The following IMPG1 variants were observed in gnomAD, a reference collection of about 807,000 sequenced individuals.
IMPG1 encodes interphotoreceptor matrix proteoglycan of 150 kDa.
Under a neutral mutation model 92.0 loss-of-function variants are expected in IMPG1, and 85 were observed. The ratio of observed to expected loss-of-function variants is 0.92; its 90% CI spans 0.78 to 1.11. The LOEUF is 1.11. IMPG1 is among the 50% of genes least tolerant of loss of function. The pLI is 0.00. For missense variants in IMPG1, 1,022 were observed against 956.0 expected, an observed-to-expected ratio of 1.07 and a Z score of -0.91; for synonymous variants, 367 against 334.1, an observed-to-expected ratio of 1.10 and a Z score of -1.08.
At chr6:75,988,647 T>C (rs1782764646) in intron 12 of IMPG1, among the ~76,000 whole-genome samples, 1 of 152,224 alleles carries the variant, frequency 6.6e-6, no homozygotes, top group Non-Finnish European at 1.5e-5. Flanking sequence ...CACAGCACAA[T>C]AGCAGTCTGG....
intron 1 of IMPG1, among the ~76,000 whole-genome samples, chr6:76,070,574 G>A (rs1264156866): frequency 3.9e-5 from 6 of 152,058 alleles, no homozygotes; most frequent in African/African-American, 1.2e-4. Flanking sequence ...CCTAGTGAAC[G>A]TTAACTAATG....
intron 2 of IMPG1, among the ~76,000 whole-genome samples, chr6:76,039,775 G>A (rs1029492786): frequency 6.6e-6 from 1 of 152,186 alleles, no homozygotes; most frequent in Non-Finnish European, 1.5e-5. Flanking sequence ...TTTGGCTGGG[G>A]CACAGAGTTC....
chr6:76,042,190 G>T, intron 1 of IMPG1, 64 bp from the exon 2 acceptor site: 1 of 860,328 alleles, frequency 1.2e-6, no homozygotes, highest in Non-Finnish European at 1.9e-6. Flanking sequence ...TGACATATAT[G>T]GATAAATGAC....
intron 12 of IMPG1, among the ~76,000 whole-genome samples, chr6:75,979,640 G>A (rs1782596296): frequency 6.6e-6 from 1 of 152,182 alleles, no homozygotes; most frequent in Admixed American, 6.5e-5. Context: ...TCCAGAAGCT[G>A]ATATTTTAGT....
chr6:75,928,101 T>C (rs909829074), intron 15 of IMPG1, among the ~76,000 whole-genome samples: 1 of 152,182 alleles, frequency 6.6e-6, no homozygotes, highest in Non-Finnish European at 1.5e-5. Flanking sequence ...GAAAACGGAA[T>C]ACATTCCTGT....
intron 12 of IMPG1, among the ~76,000 whole-genome samples, chr6:75,994,155 T>C (rs1463322155): frequency 6.6e-6 from 1 of 152,178 alleles, no homozygotes; most frequent in Non-Finnish European, 1.5e-5. Context: ...GTGAAAAATA[T>C]GCCAAACACC....
Position 75,978,122 on chromosome 6 carries a change from A to C in IMPG1, c.1291+24796T>G, listed in dbSNP as rs903125328. On this transcript the variant is annotated intron_variant, in intron 12 of 16. Coordinates refer to ENST00000369950, the MANE Select transcript of IMPG1 (RefSeq NM_001563.4). ...AAAGGTTTTAGTAAATATTATAAATATTTACATTATATACAAATTTATATT... is the reference window on the plus strand; with the variant it reads ...AAAGGTTTTAGTAAATATTATAAATCTTTACATTATATACAAATTTATATT... Among the ~76,000 whole-genome samples, 8 of 151,848 alleles carry C rather than the reference A, an allele frequency of 5.3e-5. 1 individual carries two copies. The highest frequency in any genetic ancestry group is 1.9e-4 in the African/African-American group (8 of 41,204).
chr6:75,922,592 A>G lies in IMPG1; in HGVS notation c.2317-426T>C, dbSNP rs185077935. 2.3e-4 allele frequency among the ~76,000 whole-genome samples: 35 copies of G among 152,324 alleles called. No homozygotes were observed. The East Asian group carries it at 4.4e-3, about 19-fold the overall frequency. ...CCTTGAACTAAGATGTAGTTCTTCA[A>G]GTTTACTTCCTACTGTGAAAATTAT... On this transcript the variant is annotated intron_variant, in intron 16 of 16. Coordinates refer to ENST00000369950, the MANE Select transcript of IMPG1 (RefSeq NM_001563.4).
chr6:76,044,572 A>G (rs1253474766), intron 1 of IMPG1, among the ~76,000 whole-genome samples: 1 of 152,138 alleles, frequency 6.6e-6, no homozygotes, highest in Non-Finnish European at 1.5e-5. Context: ...GAACTCTATG[A>G]GTAACTTGGC....
chr6:76,018,631 A>T, intron 7 of IMPG1, 87 bp downstream of exon 7: 2 of 1,216,922 alleles, frequency 1.6e-6, no homozygotes, highest in Non-Finnish European at 2.3e-6. Context: ...AGAAGCTGGA[A>T]CTGTTCGCCG....
chr6:75,938,767 C>T (rs1240390715), intron 14 of IMPG1, among the ~76,000 whole-genome samples: 5 of 152,114 alleles, frequency 3.3e-5, no homozygotes, highest in Non-Finnish European at 5.9e-5. Flanking sequence ...GAGCTGGGAT[C>T]GCGCCATTGC....
intron 12 of IMPG1, among the ~76,000 whole-genome samples, chr6:75,972,799 A>G (rs1005229594): frequency 6.6e-6 from 1 of 152,228 alleles, no homozygotes; most frequent in Admixed American, 6.5e-5. Flanking sequence ...GTACCAGCAT[A>G]AAATAGTAAT....
At chr6:75,957,971 C>T (rs751781784) in intron 12 of IMPG1, among the ~76,000 whole-genome samples, 5 of 152,048 alleles carry the variant, frequency 3.3e-5, no homozygotes, top group Non-Finnish European at 5.9e-5. Flanking sequence ...GTTATTTTGC[C>T]CGTTTGTTGA....
chr6:75,968,471 C>G (rs1782348033), intron 12 of IMPG1, among the ~76,000 whole-genome samples: 1 of 148,240 alleles, frequency 6.7e-6, no homozygotes. Flanking sequence ...GAAGATACTT[C>G]TATCTATCCT....
At chr6:75,965,630 C>T (rs1381164886) in intron 12 of IMPG1, among the ~76,000 whole-genome samples, 7 of 85,350 alleles carry the variant, frequency 8.2e-5, no homozygotes, top group Non-Finnish European at 1.1e-4. Context: ...TTTTTTGAGA[C>T]GGAGTCTCGC....
intron 15 of IMPG1, among the ~76,000 whole-genome samples, chr6:75,929,635 C>T (rs1031580043): frequency 6.7e-6 from 1 of 149,816 alleles, no homozygotes; most frequent in African/African-American, 2.5e-5. Flanking sequence ...ACCAGCATGG[C>T]ACATGTATAC....
intron 12 of IMPG1, among the ~76,000 whole-genome samples, chr6:75,953,552 C>T (rs1227739738): frequency 6.7e-6 from 1 of 149,362 alleles, no homozygotes; most frequent in Non-Finnish European, 1.5e-5. Context: ...TGATGGCTTC[C>T]AGCTTCATCC....
intron 7 of IMPG1, among the ~76,000 whole-genome samples, chr6:76,016,090 A>C (rs2149481418): frequency 6.6e-6 from 1 of 152,344 alleles, no homozygotes; most frequent in South Asian, 2.1e-4. Flanking sequence ...TAAATGAGTT[A>C]GTACATATAA....
chr6:75,930,266 G>C (rs1448064355), intron 15 of IMPG1, among the ~76,000 whole-genome samples: 1 of 152,094 alleles, frequency 6.6e-6, no homozygotes, highest in South Asian at 2.1e-4. Flanking sequence ...CACTAAAAAT[G>C]ATGCTACAAA....
Sources: gnomAD v4.1 joint callset for allele counts (sites outside exome capture counted in the v4.1 genomes callset) on GRCh38, gnomAD v4.1.1 for gene constraint, MANE v1.5 for transcripts, NCBI Gene and HGNC (gene_info 2026-07-23, HGNC 2026-07-21) for gene names.